Variants in ZDHHC5 observed in about 807,000 individuals in gnomAD.
ZDHHC5 encodes zDHHC palmitoyltransferase 5, also known as palmitoyltransferase ZDHHC5.
Under a neutral mutation model 70.0 loss-of-function variants are expected in ZDHHC5, and 22 were observed. That is an observed-to-expected ratio of 0.31 (90% CI 0.22 to 0.45). ZDHHC5 has a LOEUF of 0.45. ZDHHC5 is among the 20% of genes least tolerant of loss of function. The pLI is 1.00. For synonymous variants in ZDHHC5, 313 were observed against 347.8 expected, an observed-to-expected ratio of 0.90 and a Z score of 1.11; for missense variants, 746 against 926.9, an observed-to-expected ratio of 0.80 and a Z score of 2.53.
In ZDHHC5 at chr11:57,699,938, T is replaced by G; in HGVS notation, c.2055T>G (p.Pro685=). The G allele has an allele frequency of 6.2e-7, 1 of 1,614,210 alleles. No homozygotes were observed. Among genetic ancestry groups the G allele is most frequent in the Non-Finnish European group, 8.5e-7 (1 of 1,180,034 alleles). ...CCAAGAGCTTAGGCTCAGCCTCCCC[T>G]GGCCCAGGCCAGCCACCTCTCAGTA... is the stretch of plus-strand genomic sequence containing the variant. ...GQPKSLGSAS[P]GPGQPPLSSP... Residue 685 remains proline, a synonymous_variant, in exon 12 of 12, where the codon CCT becomes CCG. Coordinates refer to ENST00000287169, the MANE Select transcript of ZDHHC5 (RefSeq NM_015457.3).
rs191825089 is a variant in ZDHHC5 at position 57,679,207 on chromosome 11, G to A, written c.105-3215G>A. On this transcript the variant is annotated intron_variant, in intron 2 of 11. Transcript: ENST00000287169. Reference sequence around the variant, plus strand: ...GACGGAGTTTGGCTTTTACGCCCAGGCTGTCGTGAAGTGGCGCGATCTTGG... The same window carrying A: ...GACGGAGTTTGGCTTTTACGCCCAGACTGTCGTGAAGTGGCGCGATCTTGG... Among the ~76,000 whole-genome samples, 31 of 152,158 alleles carry A rather than the reference G, an allele frequency of 2.0e-4. No individual in the cohort carries two copies. The East Asian group carries it at 2.9e-3, about 14-fold the overall frequency.
At chr11:57,698,118 A>AACACACACACACACACACACACACACAC (rs113494839) in intron 10 of ZDHHC5, among the ~76,000 whole-genome samples, 4 of 110,286 alleles carry the variant, frequency 3.6e-5, no homozygotes, top group African/African-American at 1.1e-4. Flanking sequence ...CTGGGCTTAA[A>AACACACACACACACACACACACACACAC]ACACACACAC....
intron 1 of ZDHHC5, 41 bp from the exon 2 acceptor site, chr11:57,671,980 C>T: frequency 2.9e-6 from 1 of 348,518 alleles, no homozygotes; most frequent in Non-Finnish European, 5.1e-6. Flanking sequence ...TAAGAAATAC[C>T]CTGAAAGAAT....
At chr11:57,694,140 C>T (rs796717739) in intron 8 of ZDHHC5, among the ~76,000 whole-genome samples, 2 of 151,424 alleles carry the variant, frequency 1.3e-5, no homozygotes, top group African/African-American at 4.8e-5. Flanking sequence ...TACAGGTGTC[C>T]GTCACCTTGC....
intron 4 of ZDHHC5, 46 bp from the exon 5 acceptor site, chr11:57,689,985 T>C: frequency 6.3e-7 from 1 of 1,585,452 alleles, no homozygotes; most frequent in Non-Finnish European, 8.6e-7. Context: ...AGTAATTTAA[T>C]GCTATGGTCC....
rs1946015178 is a variant in ZDHHC5 at position 57,672,206 on chromosome 11, G to A, written c.-885G>A. The A allele has an allele frequency of 2.5e-6, 1 of 398,424 alleles. No individual in the cohort carries two copies. Among genetic ancestry groups the A allele is most frequent in the Non-Finnish European group, 4.4e-6 (1 of 226,050 alleles). The allele number at this position is 398,424 out of a possible 1,614,324, so 24.7% of individuals were successfully genotyped here. On this transcript the variant is annotated 5_prime_UTR_variant, in exon 2 of 12. It removes an upstream start codon present in the reference 5' UTR. Transcript: ENST00000287169. ...TTATTCTGCCTATTGGGAAGAACAT[G>A]GCTTCAAGGATTTTAAGTTTCCCTT...
chr11:57,672,026 A>C lies in ZDHHC5; in HGVS notation c.-1065A>C, dbSNP rs1325153345. Reference sequence around the variant, plus strand: ...AGATACTTGTTTTTCTCCAGGTGAGACACAGTAACCTGGTTGAACTCTGCA... The same window carrying C: ...AGATACTTGTTTTTCTCCAGGTGAGCCACAGTAACCTGGTTGAACTCTGCA... On this transcript the variant is annotated 5_prime_UTR_variant, in exon 2 of 12. Coordinates refer to ENST00000287169, the MANE Select transcript of ZDHHC5 (RefSeq NM_015457.3). 1 of 388,030 alleles carries C rather than the reference A, an allele frequency of 2.6e-6. No individual in the cohort carries two copies. Among genetic ancestry groups the C allele is most frequent in the African/African-American group, 2.1e-5 (1 of 48,438 alleles). 24.0% of individuals were successfully genotyped at this position (388,030 alleles called of 1,614,324 possible).
Position 57,673,011 on chromosome 11 carries a change from T to G in ZDHHC5, c.-80T>G. The G allele has an allele frequency of 7.4e-7, 1 of 1,351,906 alleles. No homozygotes were observed. Among genetic ancestry groups the G allele is most frequent in the Non-Finnish European group, 1.1e-6 (1 of 946,904 alleles). 83.7% of individuals were successfully genotyped at this position (1,351,906 alleles called of 1,614,324 possible). A position where few individuals can be genotyped will look rare whatever the true frequency, so the allele number is the denominator to read the frequency against. ...TTTGTACTCCTCTCTGTTGCTTCCC[T>G]CCTCCCATTTTCTTGTCTGTTCTGC... On this transcript the variant is annotated 5_prime_UTR_variant, in exon 2 of 12. Coordinates refer to ENST00000287169, the MANE Select transcript of ZDHHC5 (RefSeq NM_015457.3).
chr11:57,695,667 C>T (rs1467710850), intron 8 of ZDHHC5, among the ~76,000 whole-genome samples: 2 of 151,836 alleles, frequency 1.3e-5, no homozygotes, highest in African/African-American at 4.8e-5. Flanking sequence ...GTGGCATGTG[C>T]CTGTAATCCC....
At chr11:57,670,955 C>T (rs1047909037) in intron 1 of ZDHHC5, among the ~76,000 whole-genome samples, 4 of 151,836 alleles carry the variant, frequency 2.6e-5, no homozygotes, top group Admixed American at 6.6e-5. Context: ...GGACTACAGG[C>T]GCCCGCCCGG....
intron 3 of ZDHHC5, among the ~76,000 whole-genome samples, chr11:57,687,031 A>G (rs1469369246): frequency 6.6e-6 from 1 of 151,768 alleles, no homozygotes; most frequent in Non-Finnish European, 1.5e-5. Flanking sequence ...GGGTTTCGCC[A>G]TTTTGGCCAG....
rs564457612 is a variant in ZDHHC5 at position 57,698,889 on chromosome 11, G to A, written c.1453G>A (p.Val485Met). Residue 485 changes from valine (V) to methionine (M), a missense_variant, in exon 11 of 12, where the codon GTG becomes ATG. Coordinates refer to ENST00000287169, the MANE Select transcript of ZDHHC5 (RefSeq NM_015457.3). ...TPSDSPDFES[V>M]QAGPEPDPPL... ...TTCAGACAGCCCTGATTTTGAGTCA[G>A]TGCAGGCAGGGCCTGAGCCAGACCC... is the stretch of plus-strand genomic sequence containing the variant. 1.2e-5 allele frequency: 20 copies of A among 1,614,212 alleles called. No individual in the cohort carries two copies. The highest frequency in any genetic ancestry group is 1.6e-4 in the Middle Eastern group (1 of 6,062).
chr11:57,679,884 C>G (rs1283992085), intron 2 of ZDHHC5, among the ~76,000 whole-genome samples: 1 of 152,044 alleles, frequency 6.6e-6, no homozygotes, highest in Non-Finnish European at 1.5e-5. Flanking sequence ...AATCTAGGAG[C>G]AAATATTGTC....
intron 6 of ZDHHC5, among the ~76,000 whole-genome samples, chr11:57,691,198 A>G (rs894458947): frequency 5.9e-5 from 9 of 152,104 alleles, no homozygotes; most frequent in Non-Finnish European, 1.3e-4. Context: ...CAGGCTCCCA[A>G]GTAGCTGAGA....
At chr11:57,679,144 ATTTTTAT>A (rs1239059465) in intron 2 of ZDHHC5, among the ~76,000 whole-genome samples, 1 of 151,922 alleles carries the variant, frequency 6.6e-6, no homozygotes, top group East Asian at 1.9e-4. Context: ...AATTTTATTT[ATTTTTAT>A]TTTTTATTTT....
At chr11:57,685,310 T>C (rs537498147) in intron 3 of ZDHHC5, among the ~76,000 whole-genome samples, 12 of 152,294 alleles carry the variant, frequency 7.9e-5, no homozygotes, top group Non-Finnish European at 1.6e-4. Context: ...CAAATATTTA[T>C]TGATGTATTA....
rs1488481131 is a variant in ZDHHC5 at position 57,700,053 on chromosome 11, C to G, written c.*22C>G. ...GTGAGCCTTCGGCACCTCCCCTCCC[C>G]AACGCCTCTGCGCCTACACCAAAGG... On this transcript the variant is annotated 3_prime_UTR_variant, in exon 12 of 12. Transcript: ENST00000287169. The G allele has an allele frequency of 6.5e-7, 1 of 1,549,454 alleles. No homozygotes were observed. Among genetic ancestry groups the G allele is most frequent in the Non-Finnish European group, 8.7e-7 (1 of 1,149,582 alleles).
intron 1 of ZDHHC5, among the ~76,000 whole-genome samples, chr11:57,669,257 C>T (rs1471436142): frequency 1.3e-5 from 2 of 152,152 alleles, no homozygotes; most frequent in African/African-American, 4.8e-5. Flanking sequence ...TTTAGATTTA[C>T]TCTATTGTAC....
Position 57,698,846 on chromosome 11 carries a change from T to C in ZDHHC5, c.1410T>C (p.Tyr470=), listed in dbSNP as rs765341077. 7.4e-6 allele frequency: 12 copies of C among 1,614,126 alleles called. No homozygotes were observed. The highest frequency in any genetic ancestry group is 2.7e-5 in the African/African-American group (2 of 74,938). The change falls in exon 11 of 12, where the codon TAT becomes TAC. Residue 470 remains tyrosine (Y), a synonymous_variant. Transcript: ENST00000287169. ...ANQTRNGSLS[Y]DSLLTPSDSP... is the part of the protein sequence containing the mutation. ...AGACACGCAATGGAAGCCTATCTTA[T>C]GACAGCTTGCTCACACCTTCAGACA...
Sources: allele counts gnomAD v4.1 joint callset (sites outside exome capture counted in the v4.1 genomes callset), GRCh38; gene constraint gnomAD v4.1.1; transcripts MANE v1.5; gene names NCBI Gene and HGNC (gene_info 2026-07-23, HGNC 2026-07-21).